MLLT3: variants seen among roughly 807,000 people sequenced by gnomAD.
The protein encoded by MLLT3 is protein AF-9.
A neutral mutation model predicts 53.2 loss-of-function variants in MLLT3; 4 were observed. The ratio of observed to expected loss-of-function variants is 0.08; its 90% CI spans 0.04 to 0.17. MLLT3 has a LOEUF of 0.17. Among genes scored for constraint, MLLT3 ranks in the 10% least tolerant of loss-of-function variants. MLLT3 has a pLI of 1.00. For missense variants in MLLT3, 569 were observed against 684.0 expected, an observed-to-expected ratio of 0.83 and a Z score of 1.87; for synonymous variants, 283 against 230.6, an observed-to-expected ratio of 1.23 and a Z score of -2.06.
chr9:20,430,050 A>G (rs919381951), intron 4 of MLLT3, among the ~76,000 whole-genome samples: 5 of 152,182 alleles, frequency 3.3e-5, no homozygotes, highest in African/African-American at 9.6e-5. Context: ...GTTAGAAGTC[A>G]TATCAATATC....
rs759328703 is a variant in MLLT3, at chr9:20,620,908, C to G, written c.13-74G>C. On this transcript the variant is annotated intron_variant, in intron 1 of 10. Coordinates refer to ENST00000380338, the MANE Select transcript of MLLT3 (RefSeq NM_004529.4). The surrounding 1 kb of genome is among the most constrained non-coding windows in gnomAD (Gnocchi z 6.1). ...TTTCGGCAGTGAACGTTGCGCCTGA[C>G]ATTTTTTTCCTCCTTCTTGAAACGC... 12 of 1,399,132 alleles carry G rather than the reference C, an allele frequency of 8.6e-6. No individual in the cohort carries two copies. In the African/African-American group the frequency reaches 1.4e-4, roughly 17 times the overall value. 86.7% of individuals were successfully genotyped at this position (1,399,132 alleles called of 1,614,324 possible).
chr9:20,576,014 G>C (rs912431156), intron 2 of MLLT3, among the ~76,000 whole-genome samples: 4 of 152,178 alleles, frequency 2.6e-5, no homozygotes, highest in African/African-American at 9.6e-5. Context: ...CTGTTGTTTA[G>C]TGTAGCCACC....
intron 10 of MLLT3, among the ~76,000 whole-genome samples, chr9:20,347,823 A>C (rs1312061372): frequency 6.6e-6 from 1 of 152,190 alleles, no homozygotes; most frequent in Non-Finnish European, 1.5e-5. Context: ...TAAAAAAGAG[A>C]ATAATTTTAA....
chr9:20,516,960 G>T (rs1475060815), intron 2 of MLLT3, among the ~76,000 whole-genome samples: 1 of 152,158 alleles, frequency 6.6e-6, no homozygotes, highest in Non-Finnish European at 1.5e-5. Context: ...AAACTGCTAT[G>T]CAGTTTAAGG....
chr9:20,561,502 C>T (rs1363035712), intron 2 of MLLT3, among the ~76,000 whole-genome samples: 1 of 152,112 alleles, frequency 6.6e-6, no homozygotes, highest in Non-Finnish European at 1.5e-5. Flanking sequence ...TTTTAATCAT[C>T]GTCCTTATAG....
intron 2 of MLLT3, among the ~76,000 whole-genome samples, chr9:20,510,672 G>C (rs1265699096): frequency 6.6e-6 from 1 of 150,654 alleles, no homozygotes; most frequent in Non-Finnish European, 1.5e-5. Context: ...TTAATATTCA[G>C]AGTTGGTAGT....
At chr9:20,506,229 C>T (rs561987447) in intron 2 of MLLT3, among the ~76,000 whole-genome samples, 23 of 152,120 alleles carry the variant, frequency 1.5e-4, no homozygotes, top group African/African-American at 4.3e-4. Flanking sequence ...TAGTTTGAGA[C>T]GAGGTTTCTC....
chr9:20,545,125 C>G (rs1024608086), intron 2 of MLLT3, among the ~76,000 whole-genome samples: 1 of 133,346 alleles, frequency 7.5e-6, no homozygotes, highest in African/African-American at 2.9e-5. Context: ...AAAAAAAAAG[C>G]AGCAGCAGCA....
At chr9:20,586,354 T>G (rs1819960787) in intron 2 of MLLT3, among the ~76,000 whole-genome samples, 1 of 146,440 alleles carries the variant, frequency 6.8e-6, no homozygotes. Context: ...TGGGTATGGA[T>G]GGGTACTGAC....
chr9:20,510,923 T>C (rs1307906897), intron 2 of MLLT3, among the ~76,000 whole-genome samples: 1 of 152,216 alleles, frequency 6.6e-6, no homozygotes, highest in African/African-American at 2.4e-5. Context: ...GAAATGTGGT[T>C]GCCATCAATA....
chr9:20,543,763 G>C (rs116946770), intron 2 of MLLT3, among the ~76,000 whole-genome samples: 16 of 151,394 alleles, frequency 1.1e-4, no homozygotes, highest in African/African-American at 3.6e-4. Context: ...GGAAGGAAAA[G>C]GAGGAGGAGG....
At chr9:20,521,190 C>T (rs1161350038) in intron 2 of MLLT3, among the ~76,000 whole-genome samples, 1 of 152,010 alleles carries the variant, frequency 6.6e-6, no homozygotes, top group African/African-American at 2.4e-5. Context: ...CCTGCCTCAG[C>T]CTCCCTAGCA....
intron 2 of MLLT3, among the ~76,000 whole-genome samples, chr9:20,606,324 G>C (rs1356297142): frequency 6.6e-6 from 1 of 151,840 alleles, no homozygotes; most frequent in Non-Finnish European, 1.5e-5. Context: ...TGCAGGAGGT[G>C]GGGGAGGGGT....
In MLLT3 at chr9:20,557,419, T is replaced by C. The variant is rs1819089202; in HGVS notation, c.193+63235A>G. 2.6e-5 allele frequency among the ~76,000 whole-genome samples: 4 copies of C among 152,212 alleles called. No individual in the cohort carries two copies. In the South Asian group the frequency reaches 8.3e-4, roughly 32 times the overall value. On this transcript the variant is annotated intron_variant, in intron 2 of 10. Coordinates refer to ENST00000380338, the MANE Select transcript of MLLT3 (RefSeq NM_004529.4). ...TAATCAACATTACCTGATGGGGGTG[T>C]TGTAAACTGAATGAATTAATATAGC...
chr9:20,573,851 T>G (rs1420166842), intron 2 of MLLT3, among the ~76,000 whole-genome samples: 1 of 152,160 alleles, frequency 6.6e-6, no homozygotes, highest in Non-Finnish European at 1.5e-5. Flanking sequence ...AACTATAAAT[T>G]TTTCCATCTT....
intron 2 of MLLT3, among the ~76,000 whole-genome samples, chr9:20,559,314 T>G (rs1819141139): frequency 6.6e-6 from 1 of 152,188 alleles, no homozygotes; most frequent in Non-Finnish European, 1.5e-5. Flanking sequence ...CACTTTTAAC[T>G]TTTGCTATTA....
chr9:20,418,361 G>A (rs1209310333), intron 4 of MLLT3: 3 of 152,234 alleles, frequency 2.0e-5, no homozygotes, highest in African/African-American at 7.2e-5. Context: ...TGAGGTTTAT[G>A]CGAGGCACAA....
At chr9:20,605,159 C>T (rs111888942) in intron 2 of MLLT3, among the ~76,000 whole-genome samples, 1 of 152,092 alleles carries the variant, frequency 6.6e-6, no homozygotes, top group African/African-American at 2.4e-5. Flanking sequence ...CCTAAAACAA[C>T]TGTATAATGA....
rs1209970943 is a variant in MLLT3, at chr9:20,448,316, G to A, written c.277-50C>T. 1 of 1,573,520 alleles carries A rather than the reference G, an allele frequency of 6.4e-7. No homozygotes were observed. The highest frequency in any genetic ancestry group is 1.2e-5 in the South Asian group (1 of 84,840). On this transcript the variant is annotated intron_variant, in intron 3 of 10. Coordinates refer to ENST00000380338, the MANE Select transcript of MLLT3 (RefSeq NM_004529.4). The surrounding 1 kb of genome is among the most constrained non-coding windows in gnomAD (Gnocchi z 4.0). ...AGAAAAAAGAGAGTGAGGCATAAGT[G>A]AAATTTTAAAAGCAAAAATTTACTC...
Sources: gnomAD v4.1 joint callset for allele counts (sites outside exome capture counted in the v4.1 genomes callset) on GRCh38, gnomAD v4.1.1 for gene constraint, Gnocchi (gnomAD v3.1) non-coding constraint, MANE v1.5 for transcripts, NCBI Gene and HGNC (gene_info 2026-07-23, HGNC 2026-07-21) for gene names.